The following OR2L13 variants were observed in gnomAD, a reference collection of about 807,000 sequenced individuals.
The protein encoded by OR2L13 is olfactory receptor family 2 subfamily L member 13.
In OR2L13, 14 loss-of-function variants were observed where a neutral mutation model predicts 15.3. The observed-to-expected ratio is 0.91, with a 90% CI of 0.60 to 1.43. The LOEUF (loss-of-function observed/expected upper bound fraction) is 1.43, where lower values mean the gene tolerates loss of function less well. Among genes scored for constraint, OR2L13 ranks in the 40% most tolerant of loss-of-function variants. The pLI, the probability that OR2L13 is intolerant of heterozygous loss-of-function variation, is 0.00. For missense variants in OR2L13, 367 were observed against 387.9 expected, an observed-to-expected ratio of 0.95 and a Z score of 0.45; for synonymous variants, 152 against 142.9, an observed-to-expected ratio of 1.06 and a Z score of -0.45.
the OR2L13 span, among the ~76,000 whole-genome samples, chr1:248,072,806 G>T: frequency 1.3e-5 from 2 of 151,602 alleles, no homozygotes; most frequent in African/African-American, 4.8e-5. Context: ...CCATCAAAAA[G>T]TGGGCAAAGC....
chr1:247,999,383 C>A, the OR2L13 span, among the ~76,000 whole-genome samples: 1 of 152,098 alleles, frequency 6.6e-6, no homozygotes, highest in Admixed American at 6.6e-5. Flanking sequence ...AGCTGATGCA[C>A]TATTGTGGGC....
At chr1:247,970,624 T>A in the OR2L13 span, among the ~76,000 whole-genome samples, 1 of 152,210 alleles carries the variant, frequency 6.6e-6, no homozygotes, top group African/African-American at 2.4e-5. Context: ...AAAGATTTTT[T>A]ATTTTTACTC....
At chr1:247,995,466 GC>G in the OR2L13 span, among the ~76,000 whole-genome samples, 1 of 152,120 alleles carries the variant, frequency 6.6e-6, no homozygotes, top group Non-Finnish European at 1.5e-5. Context: ...GTTATTCTTA[GC>G]CCATTGCATT....
upstream of OR2L13, among the ~76,000 whole-genome samples, chr1:248,092,686 G>T (rs1270673087): frequency 6.6e-6 from 1 of 152,148 alleles, no homozygotes; most frequent in Non-Finnish European, 1.5e-5. Flanking sequence ...AAATTGTAAA[G>T]AATCTCTAAA....
At chr1:247,955,416 C>A in the OR2L13 span, among the ~76,000 whole-genome samples, 2 of 150,960 alleles carry the variant, frequency 1.3e-5, no homozygotes, top group Non-Finnish European at 3.0e-5. Flanking sequence ...CATATGTGTG[C>A]ATGTGTCTTT....
chr1:247,953,932 C>CTT, the OR2L13 span, among the ~76,000 whole-genome samples: 79 of 151,002 alleles, frequency 5.2e-4, no homozygotes, highest in Admixed American at 7.9e-4. Flanking sequence ...GCCAGTGTCT[C>CTT]TTTTTTTTTC....
At chr1:248,009,852 A>G in the OR2L13 span, among the ~76,000 whole-genome samples, 1 of 152,144 alleles carries the variant, frequency 6.6e-6, no homozygotes, top group South Asian at 2.1e-4. Flanking sequence ...GAATGCAAGG[A>G]TGGTTCAACA....
the OR2L13 span, among the ~76,000 whole-genome samples, chr1:247,978,852 C>A: frequency 6.6e-6 from 1 of 151,802 alleles, no homozygotes; most frequent in Non-Finnish European, 1.5e-5. Flanking sequence ...GTCTACTCTC[C>A]TGGGCACCCT....
At chr1:247,946,368 A>T in the OR2L13 span, among the ~76,000 whole-genome samples, 1 of 152,156 alleles carries the variant, frequency 6.6e-6, no homozygotes, top group African/African-American at 2.4e-5. Flanking sequence ...TGTTGAACAG[A>T]AGCCGGGAAA....
the OR2L13 span, chr1:248,003,277 C>T: frequency 6.4e-7 from 1 of 1,574,292 alleles, no homozygotes; most frequent in Non-Finnish European, 8.7e-7. Context: ...TTCTCATCTT[C>T]TTGGACACTC....
chr1:248,017,250 A>G, the OR2L13 span, among the ~76,000 whole-genome samples: 1 of 152,246 alleles, frequency 6.6e-6, no homozygotes, highest in African/African-American at 2.4e-5. Flanking sequence ...AAGGGGCACA[A>G]GTAACCTGTT....
chr1:248,003,442 G>C, the OR2L13 span: 2 of 1,609,412 alleles, frequency 1.2e-6, no homozygotes, highest in Admixed American at 1.7e-5. Flanking sequence ...TCTTCTTCAC[G>C]ACTTTAGCCG....
the OR2L13 span, among the ~76,000 whole-genome samples, chr1:247,951,078 A>AC: frequency 6.6e-6 from 1 of 151,522 alleles, no homozygotes; most frequent in South Asian, 2.1e-4. Context: ...AAAAATAAAA[A>AC]ATTAAATCAG....
the OR2L13 span, among the ~76,000 whole-genome samples, chr1:247,951,998 C>T: frequency 3.3e-4 from 50 of 151,456 alleles, no homozygotes; most frequent in African/African-American, 9.7e-4. Context: ...TGTGTGCGCG[C>T]GTGCGCGCAT....
chr1:248,027,975 C>G, the OR2L13 span, among the ~76,000 whole-genome samples: 3 of 151,458 alleles, frequency 2.0e-5, no homozygotes, highest in African/African-American at 7.3e-5. Context: ...CCCGTCTCTA[C>G]TAAAAATACA....
At chr1:248,004,170 G>A in the OR2L13 span, 9 of 939,486 alleles carry the variant, frequency 9.6e-6, no homozygotes, top group African/African-American at 1.7e-5. Context: ...GGAGCAAAAA[G>A]TAATCAACAG....
the OR2L13 span, among the ~76,000 whole-genome samples, chr1:248,047,571 G>A: frequency 1.3e-5 from 2 of 152,072 alleles, no homozygotes; most frequent in Non-Finnish European, 2.9e-5. Context: ...GTTTTTACAC[G>A]CAACTTGATC....
At chr1:248,089,173 A>G in the OR2L13 span, among the ~76,000 whole-genome samples, 1 of 152,126 alleles carries the variant, frequency 6.6e-6, no homozygotes, top group African/African-American at 2.4e-5. Flanking sequence ...AAGCATGGAA[A>G]TGAGGAAAAT....
At chr1:248,040,308 C>A in the OR2L13 span, 1 of 152,220 alleles carries the variant, frequency 6.6e-6, no homozygotes, top group Non-Finnish European at 1.5e-5. Flanking sequence ...TCCTGAGAGA[C>A]TCTTTTATCT....
Sources: gnomAD v4.1 joint callset for allele counts (sites outside exome capture counted in the v4.1 genomes callset) on GRCh38, gnomAD v4.1.1 for gene constraint, MANE v1.5 for transcripts, NCBI Gene and HGNC (gene_info 2026-07-23, HGNC 2026-07-21) for gene names.